Variants in GLRA2 observed in about 807,000 individuals in gnomAD.
The protein encoded by GLRA2 is glycine receptor subunit alpha-2.
GLRA2 carries 11 observed loss-of-function variants against 31.6 expected under a neutral mutation model. The ratio of observed to expected loss-of-function variants is 0.35; its 90% CI spans 0.22 to 0.58. The LOEUF (loss-of-function observed/expected upper bound fraction) is 0.58, where lower values mean the gene tolerates loss of function less well. Ranked by LOEUF, GLRA2 falls within the 20% of genes least tolerant of loss-of-function variation. The pLI, the probability that GLRA2 is intolerant of heterozygous loss-of-function variation, is 0.84. For missense variants in GLRA2, 212 were observed against 351.8 expected, an observed-to-expected ratio of 0.60 and a Z score of 3.18; for synonymous variants, 132 against 134.0, an observed-to-expected ratio of 0.99 and a Z score of 0.10.
intron 7 of GLRA2, among the ~76,000 whole-genome samples, chrX:14,619,682 AT>A (rs766141986): frequency 2.1e-4 from 23 of 107,110 alleles, no homozygotes; most frequent in African/African-American, 4.7e-4. Flanking sequence ...CAACTTTCTA[AT>A]TTTTTTTTTG....
chrX:14,595,863 T>C (rs1041502342), intron 4 of GLRA2, among the ~76,000 whole-genome samples: 3 of 112,278 alleles, frequency 2.7e-5, no homozygotes, highest in African/African-American at 9.7e-5. Flanking sequence ...AAATTGAAAC[T>C]ATTAGGATAC....
chrX:14,507,299 TGA>T, the GLRA2 span, among the ~76,000 whole-genome samples: 2 of 112,636 alleles, frequency 1.8e-5, no homozygotes, highest in African/African-American at 3.2e-5. Context: ...ATTAATTTTA[TGA>T]GTCTTTGCAA....
chrX:14,586,515 T>G (rs1193658663), intron 4 of GLRA2, among the ~76,000 whole-genome samples: 1 of 112,185 alleles, frequency 8.9e-6, no homozygotes, highest in Non-Finnish European at 1.9e-5. Context: ...ATCCAGAGAA[T>G]AGAGATCAAG....
At chrX:14,478,261 C>T in the GLRA2 span, among the ~76,000 whole-genome samples, 4 of 111,148 alleles carry the variant, frequency 3.6e-5, no homozygotes, top group African/African-American at 9.8e-5. Flanking sequence ...AATAAATGGT[C>T]GCTTTTTTCT....
the GLRA2 span, among the ~76,000 whole-genome samples, chrX:14,455,519 T>G: frequency 1.8e-5 from 2 of 111,931 alleles, no homozygotes; most frequent in African/African-American, 6.5e-5. Flanking sequence ...GATATTTGTT[T>G]TAAATAATGA....
intron 7 of GLRA2, among the ~76,000 whole-genome samples, chrX:14,609,914 T>C (rs1454720943): frequency 9.0e-6 from 1 of 111,004 alleles, no homozygotes; most frequent in Non-Finnish European, 1.9e-5. Flanking sequence ...CAAATAATAA[T>C]CCATAAGTGG....
chrX:14,608,870 G>A (rs1041963903), intron 6 of GLRA2, 121 bp from the exon 7 acceptor site: 24 of 448,423 alleles, frequency 5.4e-5, no homozygotes, highest in Non-Finnish European at 8.9e-5. Context: ...TGAACATTTT[G>A]TGCAATCTTC....
chrX:14,600,516 C>T (rs2090257110), intron 4 of GLRA2, among the ~76,000 whole-genome samples: 1 of 110,784 alleles, frequency 9.0e-6, no homozygotes, highest in Non-Finnish European at 1.9e-5. Flanking sequence ...ATATAATGAA[C>T]ATTTTTTTAA....
chrX:14,597,321 G>A (rs1175684648), intron 4 of GLRA2, among the ~76,000 whole-genome samples: 1 of 112,140 alleles, frequency 8.9e-6, no homozygotes, highest in African/African-American at 3.2e-5. Flanking sequence ...TTGCCAAGAA[G>A]TTCCTATTTT....
the GLRA2 span, among the ~76,000 whole-genome samples, chrX:14,503,707 G>A: frequency 2.7e-5 from 3 of 110,983 alleles, no homozygotes; most frequent in Admixed American, 9.6e-5. Context: ...GTTCTACTCC[G>A]CACTCTGCCA....
the GLRA2 span, among the ~76,000 whole-genome samples, chrX:14,449,749 C>A: frequency 0.016 from 1,792 of 112,225 alleles, 34 homozygotes; most frequent in African/African-American, 0.054. Flanking sequence ...AGTGTTTGAC[C>A]CAATGGGCCA....
intron 7 of GLRA2, among the ~76,000 whole-genome samples, chrX:14,687,935 T>C (rs1258066911): frequency 8.9e-6 from 1 of 112,225 alleles, no homozygotes; most frequent in East Asian, 2.8e-4. Context: ...TGTGGTTTTA[T>C]CTACCTTTGG....
intron 7 of GLRA2, among the ~76,000 whole-genome samples, chrX:14,659,448 T>C (rs1386265905): frequency 9.7e-6 from 1 of 103,037 alleles, no homozygotes; most frequent in Non-Finnish European, 2.1e-5. Flanking sequence ...TTTAAAGCAA[T>C]TTGTGTTGGG....
intron 3 of GLRA2, among the ~76,000 whole-genome samples, chrX:14,575,330 A>G (rs111870602): frequency 1.8e-5 from 2 of 109,848 alleles, no homozygotes; most frequent in African/African-American, 6.6e-5. Context: ...CCTCCTGAGT[A>G]GCTGGGATTA....
intron 7 of GLRA2, among the ~76,000 whole-genome samples, chrX:14,654,360 T>C (rs1378554765): frequency 9.0e-6 from 1 of 111,533 alleles, no homozygotes; most frequent in Non-Finnish European, 1.9e-5. Flanking sequence ...TGTTATTACA[T>C]TGTGCTATGT....
chrX:14,513,486 A>T, the GLRA2 span, among the ~76,000 whole-genome samples: 2 of 112,080 alleles, frequency 1.8e-5, no homozygotes, highest in Non-Finnish European at 3.8e-5. Context: ...CAACCCACAG[A>T]GTGAGAGAAA....
At chrX:14,457,269 G>T in the GLRA2 span, among the ~76,000 whole-genome samples, 1 of 111,520 alleles carries the variant, frequency 9.0e-6, no homozygotes, top group South Asian at 3.7e-4. Flanking sequence ...TGTTACACAG[G>T]CATACATGTG....
At chrX:14,685,096 C>A (rs1469521008) in intron 7 of GLRA2, among the ~76,000 whole-genome samples, 1 of 111,680 alleles carries the variant, frequency 9.0e-6, no homozygotes, top group Non-Finnish European at 1.9e-5. Context: ...GTCTTTGGTT[C>A]CATTTATACG....
chrX:14,549,193 A>G (rs2089522639), intron 2 of GLRA2, among the ~76,000 whole-genome samples: 1 of 112,113 alleles, frequency 8.9e-6, no homozygotes, highest in Non-Finnish European at 1.9e-5. Flanking sequence ...AATTTCAGAT[A>G]GAGAACTGTC....
Sources: gnomAD v4.1 joint callset for allele counts (sites outside exome capture counted in the v4.1 genomes callset) on GRCh38, gnomAD v4.1.1 for gene constraint, MANE v1.5 for transcripts, NCBI Gene and HGNC (gene_info 2026-07-23, HGNC 2026-07-21) for gene names.